Variants in PRKCZ observed in about 807,000 individuals in gnomAD.
The protein encoded by PRKCZ is protein kinase C zeta.
A neutral mutation model predicts 79.5 loss-of-function variants in PRKCZ; 33 were observed. The observed-to-expected ratio is 0.41, with a 90% CI of 0.31 to 0.55. PRKCZ has a LOEUF of 0.55. Ranked by LOEUF, PRKCZ falls within the 20% of genes least tolerant of loss-of-function variation. PRKCZ has a pLI of 0.19. For missense variants in PRKCZ, 578 were observed against 813.5 expected, an observed-to-expected ratio of 0.71 and a Z score of 3.52; for synonymous variants, 342 against 320.9, an observed-to-expected ratio of 1.07 and a Z score of -0.70.
At chr1:2,114,108 A>AT (rs989407233) in intron 4 of PRKCZ, among the ~76,000 whole-genome samples, 2 of 152,066 alleles carry the variant, frequency 1.3e-5, no homozygotes, top group African/African-American at 4.8e-5. Context: ...TGCTCAGGAG[A>AT]TAAAAACAGC....
At chr1:2,118,825 T>C (rs1571532506) in intron 4 of PRKCZ, among the ~76,000 whole-genome samples, 1 of 152,116 alleles carries the variant, frequency 6.6e-6, no homozygotes, top group African/African-American at 2.4e-5. Flanking sequence ...CACTTTCTTT[T>C]CTGTATATTT....
In PRKCZ at chr1:2,146,033, G is replaced by A. The variant is rs769732052; in HGVS notation, c.559G>A (p.Val187Ile). ...CTCTGTGTCTCTCCGGCAGGATTCT[G>A]TCATGCCTTCCCAAGAGCCTCCAGT... ...PLTCRKHMDS[V>I]MPSQEPPVDD... The change falls in exon 7 of 18, where the codon GTC becomes ATC. Residue 187 changes from valine to isoleucine, a missense_variant. Physicochemically the swap from Val to Ile is conservative, Grantham distance 29. Transcript: ENST00000378567. 2.5e-6 allele frequency: 4 copies of A among 1,613,176 alleles called. No individual in the cohort carries two copies. In the South Asian group the frequency reaches 4.4e-5, roughly 18 times the overall value.
At chr1:2,078,938 G>A (rs1571209612) in intron 4 of PRKCZ, among the ~76,000 whole-genome samples, 1 of 151,940 alleles carries the variant, frequency 6.6e-6, no homozygotes, top group Non-Finnish European at 1.5e-5. Context: ...CACCTCCTGG[G>A]TTCAGGCCAT....
At chr1:2,097,861 C>T (rs1472178460) in intron 4 of PRKCZ, among the ~76,000 whole-genome samples, 2 of 152,238 alleles carry the variant, frequency 1.3e-5, no homozygotes, top group African/African-American at 4.8e-5. Flanking sequence ...GGAGCAATGG[C>T]GAGAGCACAC....
At chr1:2,146,728 T>C (rs918500793) in intron 7 of PRKCZ, among the ~76,000 whole-genome samples, 4 of 152,296 alleles carry the variant, frequency 2.6e-5, no homozygotes, top group East Asian at 1.9e-4. Flanking sequence ...TTCTGTCTCA[T>C]TGGGAGACCA....
At chr1:2,135,163 C>A in intron 4 of PRKCZ, 99 bp from the exon 5 acceptor site, 1 of 1,039,402 alleles carries the variant, frequency 9.6e-7, no homozygotes, top group Non-Finnish European at 1.4e-6. Flanking sequence ...GACGCTGCGG[C>A]CGCCACCACC....
intron 11 of PRKCZ, among the ~76,000 whole-genome samples, 172 bp from the exon 12 acceptor site, chr1:2,171,883 T>A (rs1039691801): frequency 1.1e-4 from 17 of 152,196 alleles, no homozygotes; most frequent in Admixed American, 1.0e-3. Context: ...GGAGCTTTCA[T>A]TGGCATTTCC....
At chr1:2,110,191 C>G (rs1470241946) in intron 4 of PRKCZ, among the ~76,000 whole-genome samples, 7 of 102,188 alleles carry the variant, frequency 6.9e-5, no homozygotes, top group Non-Finnish European at 2.0e-5. Flanking sequence ...AGGTGAGACA[C>G]AGAACGGCCA....
At position 2,074,125 on chromosome 1, in the gene PRKCZ, C is replaced by T. The variant is rs556583628; in HGVS notation, c.334+14534C>T. ...GGTGCCACGGCCCGGGGAAGGCGTG[C>T]GGCTGCAGCAGCTCCCAGCAATGTC... On this transcript the variant is annotated intron_variant, in intron 4 of 17. Coordinates refer to ENST00000378567, the MANE Select transcript of PRKCZ (RefSeq NM_002744.6). The T allele has an allele frequency of 1.2e-4, 180 of 1,526,736 alleles. 1 individual carries two copies. The South Asian group carries it at 2.1e-3, about 18-fold the overall frequency. 94.6% of individuals were successfully genotyped at this position (1,526,736 alleles called of 1,614,324 possible). A position where few individuals can be genotyped will look rare whatever the true frequency, so the allele number is the denominator to read the frequency against.
In PRKCZ at chr1:2,172,529, A is replaced by G; in HGVS notation, c.1285+141A>G. 1.0e-6 allele frequency: 1 copy of G among 995,800 alleles called. No individual in the cohort carries two copies. 61.7% of individuals were successfully genotyped at this position (995,800 alleles called of 1,614,324 possible). ...CTGTCTTTCCCAGCCGGATGTCATC[A>G]TCTGGCCTCAGCCCCTTATTTGAAT... On this transcript the variant is annotated intron_variant, in intron 13 of 17. Transcript: ENST00000378567. This position sits in a 1 kb window ranked among gnomAD's most constrained non-coding sequence, Gnocchi z 7.8.
chr1:2,100,154 C>T (rs1414864458), intron 4 of PRKCZ, among the ~76,000 whole-genome samples: 1 of 152,246 alleles, frequency 6.6e-6, no homozygotes, highest in Non-Finnish European at 1.5e-5. Context: ...CTTCCGACCC[C>T]ACCACCACCC....
chr1:2,078,005 A>G (rs1662755617), intron 4 of PRKCZ, among the ~76,000 whole-genome samples: 1 of 152,252 alleles, frequency 6.6e-6, no homozygotes, highest in South Asian at 2.1e-4. Flanking sequence ...GATTGTTTAA[A>G]TCAGTTTCCT....
Position 2,172,462 on chromosome 1 carries a change from G to A in PRKCZ, c.1285+74G>A. On this transcript the variant is annotated intron_variant, in intron 13 of 17. Coordinates refer to ENST00000378567, the MANE Select transcript of PRKCZ (RefSeq NM_002744.6). The surrounding 1 kb of genome is among the most constrained non-coding windows in gnomAD (Gnocchi z 7.8). ...GGCTTCGGGCCTGGCCCAGCAGCCA[G>A]GGAGAGGTGTCCTTGACCATCTTAC... is the stretch of plus-strand genomic sequence containing the variant. The A allele has an allele frequency of 6.8e-7, 1 of 1,465,740 alleles. No homozygotes were observed. Among genetic ancestry groups the A allele is most frequent in the Non-Finnish European group, 9.2e-7 (1 of 1,083,948 alleles). The allele number at this position is 1,465,740 out of a possible 1,614,324, so 90.8% of individuals were successfully genotyped here.
chr1:2,059,246 C>T (rs534643928), intron 3 of PRKCZ, among the ~76,000 whole-genome samples: 1 of 152,342 alleles, frequency 6.6e-6, no homozygotes, highest in East Asian at 1.9e-4. Flanking sequence ...GCATTTCTTT[C>T]CCATTTTTAT....
rs114496009 is a variant in PRKCZ at position 2,174,038 on chromosome 1, C to T, written c.1405+22C>T. On this transcript the variant is annotated intron_variant, in intron 14 of 17. Transcript: ENST00000378567. The surrounding 1 kb of genome is among the most constrained non-coding windows in gnomAD (Gnocchi z 6.2). ...CAAGGTGCGTGCCCCGCTGTGCGTT[C>T]GTACCCCTCACCTGCACGACTGTCT... 4.1e-4 allele frequency: 644 copies of T among 1,578,366 alleles called. 2 individuals carry two copies. In the African/African-American group the frequency reaches 7.6e-3, roughly 19 times the overall value.
Position 2,173,894 on chromosome 1 carries a change from C to A in PRKCZ, c.1286-3C>A, listed in dbSNP as rs1396584646. ...TCGGTGATGGCTGTGTGCTCTCCCC[C>A]AGGGTTCAGCGTGGACTGGTGGGCG... On this transcript the variant is annotated splice_region_variant and splice_polypyrimidine_tract_variant and intron_variant, in intron 13 of 17. Coordinates refer to ENST00000378567, the MANE Select transcript of PRKCZ (RefSeq NM_002744.6). This position sits in a 1 kb window ranked among gnomAD's most constrained non-coding sequence, Gnocchi z 5.7. 4 of 1,601,704 alleles carry A rather than the reference C, an allele frequency of 2.5e-6. No homozygotes were observed. Among genetic ancestry groups the A allele is most frequent in the Non-Finnish European group, 3.4e-6 (4 of 1,172,830 alleles).
chr1:2,050,436 C>T lies in PRKCZ; in HGVS notation c.-195C>T. 1 of 196,588 alleles carries T rather than the reference C, an allele frequency of 5.1e-6. No individual in the cohort carries two copies. Among genetic ancestry groups the T allele is most frequent in the Non-Finnish European group, 1.0e-5 (1 of 98,874 alleles). The allele number at this position is 196,588 out of a possible 1,614,324, so 12.2% of individuals were successfully genotyped here. A position where few individuals can be genotyped will look rare whatever the true frequency, so the allele number is the denominator to read the frequency against. ...GTTCGGACACCGCCCCCCGCCCCCGCCGGACGGTCCCGCCCCGCGCGCCCC... is the reference window on the plus strand; with the variant it reads ...GTTCGGACACCGCCCCCCGCCCCCGTCGGACGGTCCCGCCCCGCGCGCCCC... On this transcript the variant is annotated 5_prime_UTR_variant, in exon 1 of 18. Transcript: ENST00000378567.
At chr1:2,063,803 T>C (rs1424908237) in intron 4 of PRKCZ, among the ~76,000 whole-genome samples, 2 of 151,930 alleles carry the variant, frequency 1.3e-5, no homozygotes, top group African/African-American at 4.8e-5. Context: ...TCCCTGGTGA[T>C]AAGTGATGTT....
At chr1:2,130,840 C>A (rs1674809666) in intron 4 of PRKCZ, among the ~76,000 whole-genome samples, 1 of 152,160 alleles carries the variant, frequency 6.6e-6, no homozygotes, top group Non-Finnish European at 1.5e-5. Flanking sequence ...GCCGCGTGGA[C>A]ACATACAGTG....
Sources: gnomAD v4.1 joint callset for allele counts (sites outside exome capture counted in the v4.1 genomes callset) on GRCh38, gnomAD v4.1.1 for gene constraint, Gnocchi (gnomAD v3.1) non-coding constraint, MANE v1.5 for transcripts, NCBI Gene and HGNC (gene_info 2026-07-23, HGNC 2026-07-21) for gene names.